The following GPN3 variants were observed in gnomAD, a reference collection of about 807,000 sequenced individuals.
GPN3 encodes the protein ATP-binding domain 1 family member C.
GPN3 carries 31 observed loss-of-function variants against 38.7 expected under a neutral mutation model. The observed-to-expected ratio is 0.80, with a 90% CI of 0.60 to 1.08. The LOEUF (loss-of-function observed/expected upper bound fraction) is 1.08. Ranked by LOEUF, GPN3 falls within the 50% of genes least tolerant of loss-of-function variation. The pLI is 0.00. For missense variants in GPN3, 301 were observed against 354.4 expected (o/e 0.85, Z 1.21); for synonymous variants, 116 against 120.2 (o/e 0.96, Z 0.23).
At chr12:110,462,540 G>A (rs769288647) in intron 2 of GPN3, among the ~76,000 whole-genome samples, 7 of 152,088 alleles carry the variant, frequency 4.6e-5, no homozygotes, top group Non-Finnish European at 7.4e-5. Context: ...GACCACCCTA[G>A]TCCTGGTGTA....
intron 4 of GPN3, 36 bp from the exon 5 acceptor site, chr12:110,455,966 C>T (rs1194390336): frequency 1.9e-6 from 2 of 1,075,878 alleles, no homozygotes; most frequent in Non-Finnish European, 1.4e-6. Context: ...GATGAACTGA[C>T]TGTTGCCAAC....
intron 1 of GPN3, among the ~76,000 whole-genome samples, chr12:110,467,583 C>A (rs1458888129): frequency 6.6e-6 from 1 of 152,132 alleles, no homozygotes. Context: ...GCACCGAGCA[C>A]AACTTCTCCT....
At chr12:110,468,280 G>T, upstream of GPN3, 1 of 1,598,424 alleles carries the variant, frequency 6.3e-7, no homozygotes, top group South Asian at 1.1e-5. Flanking sequence ...AGTGAAGTGC[G>T]AACCAATCGC....
At chr12:110,468,562 T>C, upstream of GPN3, 2 of 1,537,298 alleles carry the variant, frequency 1.3e-6, no homozygotes, top group Non-Finnish European at 1.7e-6. Flanking sequence ...ACCTGTATGG[T>C]GACCCTCGCG....
At chr12:110,464,444 C>T (rs909928060) in intron 2 of GPN3, among the ~76,000 whole-genome samples, 8 of 151,884 alleles carry the variant, frequency 5.3e-5, no homozygotes, top group African/African-American at 1.9e-4. Flanking sequence ...GTTCAACAGA[C>T]ACTTGAATGA....
chr12:110,459,246 T>G (rs2062570548), intron 3 of GPN3, among the ~76,000 whole-genome samples: 1 of 151,774 alleles, frequency 6.6e-6, no homozygotes, highest in Non-Finnish European at 1.5e-5. Flanking sequence ...TTTTGTTTTT[T>G]TTTTTTGTTT....
At position 110,452,916 on chromosome 12, in the gene GPN3, C is replaced by T. The variant is rs967532464; in HGVS notation, c.*118G>A. The stretch of plus-strand genomic sequence containing the variant: ...ATTCAGGCATGAGGCTGATAAAGAA[C>T]GAAGTTTTACTTTTTTTCATTAAAA... On this transcript the variant is annotated 3_prime_UTR_variant, in exon 8 of 8. Transcript: ENST00000228827. The T allele has an allele frequency of 8.3e-5, 58 of 694,966 alleles. No homozygotes were observed. Among genetic ancestry groups the T allele is most frequent in the Admixed American group, 3.7e-4 (17 of 45,882 alleles). 43.0% of individuals were successfully genotyped at this position (694,966 alleles called of 1,614,324 possible).
Position 110,457,618 on chromosome 12 carries a change from G to T in GPN3, c.342C>A (p.Tyr114Ter). The change falls in exon 4 of 8, where the codon TAC becomes TAA. Residue 114 changes from tyrosine to a stop codon, truncating the protein, a stop_gained. Coordinates refer to ENST00000228827, the MANE Select transcript of GPN3 (RefSeq NM_016301.4). LOFTEE classifies it high-confidence loss of function. ...GCTGTTTCATCACAGGCAGGTGAGT[G>T]TACAACTCAATCTGACCTACATGAA... ...LFDCPGQIEL[Y>*]THLPVMKQLV... The T allele has an allele frequency of 6.3e-7, 1 of 1,598,050 alleles. No individual in the cohort carries two copies. Among genetic ancestry groups the T allele is most frequent in the Non-Finnish European group, 8.5e-7 (1 of 1,170,056 alleles).
chr12:110,464,390 G>A (rs915837973), intron 2 of GPN3, among the ~76,000 whole-genome samples: 1 of 151,978 alleles, frequency 6.6e-6, no homozygotes, highest in Non-Finnish European at 1.5e-5. Context: ...GATAATGTCT[G>A]TATTATTCTC....
rs554275175 is a variant in GPN3 at position 110,457,905 on chromosome 12, A to G, written c.326-271T>C. ...CACTTTGGGAGGCTGTGGCAGGTGG[A>G]TCACTTGAGGCCAGGAGTTCAAGAC... On this transcript the variant is annotated intron_variant, in intron 3 of 7. Transcript: ENST00000228827. 2.0e-5 allele frequency among the ~76,000 whole-genome samples: 3 copies of G among 152,070 alleles called. No individual in the cohort carries two copies. The East Asian group carries it at 5.8e-4, about 29-fold the overall frequency.
rs555622177 is a variant in GPN3, at chr12:110,465,125, G to A, written c.138C>T (p.Phe46=). The change falls in exon 2 of 8, where the codon TTC becomes TTT. Residue 46 remains phenylalanine, a synonymous_variant. Transcript: ENST00000228827. ...VVNLDPAAEH[F]NYSVMADIRE... ...ACTTACCAGCCATCACGGAGTAGTT[G>A]AAGTGTTCTGCTGCTGGATCCAGGT... 24 of 1,594,578 alleles carry A rather than the reference G, an allele frequency of 1.5e-5. No individual in the cohort carries two copies. The East Asian group carries it at 5.1e-4, about 34-fold the overall frequency.
chr12:110,468,400 G>C, upstream of GPN3: 1 of 1,529,322 alleles, frequency 6.5e-7, no homozygotes, highest in Non-Finnish European at 8.8e-7. Context: ...GAGGGGCGAG[G>C]GAGAGGATTT....
chr12:110,459,199 C>T (rs1448423868), intron 3 of GPN3, among the ~76,000 whole-genome samples: 1 of 152,034 alleles, frequency 6.6e-6, no homozygotes, highest in Non-Finnish European at 1.5e-5. Flanking sequence ...TATGGTATTC[C>T]CAGTGTACAA....
upstream of GPN3, chr12:110,468,528 C>G (rs375509832): frequency 3.3e-6 from 5 of 1,537,164 alleles, no homozygotes; most frequent in African/African-American, 5.5e-5. Context: ...GTGCTTCGGT[C>G]CGTGGTTTGC....
Position 110,452,493 on chromosome 12 carries a change from T to C in GPN3, c.*541A>G, listed in dbSNP as rs1034830732. 3.2e-5 allele frequency: 5 copies of C among 154,340 alleles called. No individual in the cohort carries two copies. Among genetic ancestry groups the C allele is most frequent in the African/African-American group, 1.2e-4 (5 of 41,586 alleles). 9.6% of individuals were successfully genotyped at this position (154,340 alleles called of 1,614,324 possible). ...AAATTAGACACTGCAGTGTACTTGT[T>C]ATCTAGGTCCAAGAATCATTAAAAA... On this transcript the variant is annotated 3_prime_UTR_variant, in exon 8 of 8. Transcript: ENST00000228827.
chr12:110,463,627 A>AAAAAAAAAAAAAAAAAAAAAAAAAAC (rs1254082547), intron 2 of GPN3, among the ~76,000 whole-genome samples: 1 of 131,818 alleles, frequency 7.6e-6, no homozygotes, highest in African/African-American at 3.2e-5. Context: ...AAAAAAAAAA[A>AAAAAAAAAAAAAAAAAAAAAAAAAAC]AAAAAAAAAA....
At chr12:110,465,378 T>C (rs1242749307) in intron 1 of GPN3, among the ~76,000 whole-genome samples, 164 bp from the exon 2 acceptor site, 2 of 152,222 alleles carry the variant, frequency 1.3e-5, no homozygotes, top group African/African-American at 4.8e-5. Context: ...GATTCAAACC[T>C]GACTTAGACT....
At chr12:110,457,466 A>G in intron 4 of GPN3, 44 bp downstream of exon 4, 1 of 1,341,456 alleles carries the variant, frequency 7.5e-7, no homozygotes, top group Non-Finnish European at 9.7e-7. Context: ...ACAAAAAAAA[A>G]AAAAAAAAAA....
upstream of GPN3, chr12:110,468,321 A>G: frequency 1.3e-6 from 2 of 1,574,624 alleles, no homozygotes; most frequent in South Asian, 1.1e-5. Context: ...CTCCAGTTCT[A>G]CCACACCTCC....
Sources: allele counts gnomAD v4.1 joint callset (sites outside exome capture counted in the v4.1 genomes callset), GRCh38; gene constraint gnomAD v4.1.1; transcripts MANE v1.5; gene names NCBI Gene and HGNC (gene_info 2026-07-23, HGNC 2026-07-21).